GPC5: variants seen among roughly 807,000 people sequenced by gnomAD.
The protein encoded by GPC5 is glypican-5.
Under a neutral mutation model 53.9 loss-of-function variants are expected in GPC5, and 47 were observed. The observed-to-expected ratio is 0.87, with a 90% confidence interval of 0.69 to 1.11. The LOEUF (loss-of-function observed/expected upper bound fraction) is 1.11. Among genes scored for constraint, GPC5 ranks in the 50% most tolerant of loss-of-function variants. GPC5 has a pLI of 0.00. For synonymous variants in GPC5, 286 were observed against 263.3 expected (o/e 1.09, Z -0.84); for missense variants, 748 against 713.1 (o/e 1.05, Z -0.56).
chr13:91,538,303 C>A (rs1261639424), intron 2 of GPC5, among the ~76,000 whole-genome samples: 1 of 152,108 alleles, frequency 6.6e-6, no homozygotes, highest in Admixed American at 6.6e-5. Flanking sequence ...GGATAGGAGA[C>A]TTTTATCCCA....
intron 4 of GPC5, among the ~76,000 whole-genome samples, chr13:91,748,478 G>C (rs1269278863): frequency 2.0e-5 from 3 of 152,212 alleles, no homozygotes; most frequent in African/African-American, 7.2e-5. Context: ...CATATTCCTT[G>C]TAGGAGCTTC....
At chr13:92,671,206 C>T (rs546955763) in intron 7 of GPC5, among the ~76,000 whole-genome samples, 1 of 152,084 alleles carries the variant, frequency 6.6e-6, no homozygotes, top group Non-Finnish European at 1.5e-5. Context: ...GAACTGAGTT[C>T]TCTGTAAAAA....
At chr13:92,661,506 A>T (rs537586592) in intron 7 of GPC5, among the ~76,000 whole-genome samples, 1 of 152,258 alleles carries the variant, frequency 6.6e-6, no homozygotes, top group African/African-American at 2.4e-5. Flanking sequence ...TTTATGGCCT[A>T]TTTTTTCAAA....
rs1320329246 is a variant in GPC5 at position 91,665,706 on chromosome 13, C to T, written c.326-27481C>T. Among the ~76,000 whole-genome samples, 7 of 152,136 alleles carry T rather than the reference C, an allele frequency of 4.6e-5. 1 individual carries two copies. The East Asian group carries it at 7.7e-4, about 17-fold the overall frequency. On this transcript the variant is annotated intron_variant, in intron 2 of 7. Transcript: ENST00000377067. Reference sequence around the variant, plus strand: ...TTTTTTAGTAGAGATGGGGTTTCACCGTGTTAGCCAGGATGGTCTCCATCT... The same window carrying T: ...TTTTTTAGTAGAGATGGGGTTTCACTGTGTTAGCCAGGATGGTCTCCATCT...
chr13:91,646,517 T>C (rs1175709662), intron 2 of GPC5, among the ~76,000 whole-genome samples: 1 of 151,944 alleles, frequency 6.6e-6, no homozygotes, highest in African/African-American at 2.4e-5. Context: ...TAATTAAGAA[T>C]ATAAATTATA....
At chr13:92,484,723 A>C (rs1373717112) in intron 7 of GPC5, 1 of 151,876 alleles carries the variant, frequency 6.6e-6, no homozygotes, top group Non-Finnish European at 1.5e-5. Context: ...CTTGAATAGA[A>C]TTTTTATTTT....
intron 7 of GPC5, among the ~76,000 whole-genome samples, chr13:92,843,450 A>G (rs1373971236): frequency 6.6e-6 from 1 of 152,198 alleles, no homozygotes; most frequent in East Asian, 1.9e-4. Context: ...AAAAGAAACA[A>G]CAAACACTTA....
intron 2 of GPC5, among the ~76,000 whole-genome samples, chr13:91,497,165 T>A (rs542061339): frequency 6.6e-6 from 1 of 152,322 alleles, no homozygotes; most frequent in African/African-American, 2.4e-5. Flanking sequence ...CCAGTTATAA[T>A]TATACTTTAC....
intron 2 of GPC5, among the ~76,000 whole-genome samples, chr13:91,651,936 A>G (rs2034721097): frequency 6.6e-6 from 1 of 152,162 alleles, no homozygotes; most frequent in Non-Finnish European, 1.5e-5. Context: ...GAAACTGGTT[A>G]AGGGAACTAG....
chr13:92,523,411 C>T (rs968117861), intron 7 of GPC5, among the ~76,000 whole-genome samples: 1 of 152,014 alleles, frequency 6.6e-6, no homozygotes, highest in African/African-American at 2.4e-5. Flanking sequence ...TTGACAAATA[C>T]CTCCTTTTTG....
Position 92,138,541 on chromosome 13 carries a change from T to TA in GPC5, c.1402-6280dup, listed in dbSNP as rs1305571921. 9.2e-3 allele frequency among the ~76,000 whole-genome samples: 468 copies of TA among 51,034 alleles called. 5 individuals are homozygous for TA. Among genetic ancestry groups the TA allele is most frequent in the African/African-American group, 0.026 (431 of 16,526 alleles). 33.5% of individuals were successfully genotyped at this position (51,034 alleles called of 152,430 possible). ...TCTCAAAAAAATAAAAAATAAAAAATAAAAAAAAATAAAAATAAAAATAAA... is the reference window on the plus strand; with the variant it reads ...TCTCAAAAAAATAAAAAATAAAAAATAAAAAAAAAATAAAAATAAAAATAAA... On this transcript the variant is annotated intron_variant, in intron 6 of 7. Coordinates refer to ENST00000377067, the MANE Select transcript of GPC5 (RefSeq NM_004466.6).
At chr13:92,782,921 A>C (rs1028228865) in intron 7 of GPC5, among the ~76,000 whole-genome samples, 1 of 152,164 alleles carries the variant, frequency 6.6e-6, no homozygotes, top group Non-Finnish European at 1.5e-5. Context: ...TTTTCTTTAC[A>C]AAGAGTGGAA....
At chr13:92,469,809 G>A (rs1377390165) in intron 7 of GPC5, among the ~76,000 whole-genome samples, 1 of 151,902 alleles carries the variant, frequency 6.6e-6, no homozygotes, top group Non-Finnish European at 1.5e-5. Flanking sequence ...TAAAAGTAGG[G>A]GTTCCCAAAT....
chr13:92,817,636 T>C (rs1877521018), intron 7 of GPC5, among the ~76,000 whole-genome samples: 1 of 152,042 alleles, frequency 6.6e-6, no homozygotes. Context: ...CTAGTATTCA[T>C]TGATGCTTCT....
intron 7 of GPC5, among the ~76,000 whole-genome samples, chr13:92,760,858 G>A (rs1303826508): frequency 6.6e-6 from 1 of 151,804 alleles, no homozygotes; most frequent in African/African-American, 2.4e-5. Flanking sequence ...TTCTATTATT[G>A]TTTGTTTCAA....
At chr13:91,774,934 TCTACTTCTAGGGAAC>T (rs1290823718) in intron 5 of GPC5, among the ~76,000 whole-genome samples, 14 of 152,318 alleles carry the variant, frequency 9.2e-5, no homozygotes, top group South Asian at 4.1e-4. Flanking sequence ...TGACCAAGCA[TCTACTTCTAGGGAAC>T]CTAATTTAAC....
chr13:92,601,449 G>T (rs891747117), intron 7 of GPC5, among the ~76,000 whole-genome samples: 3 of 151,544 alleles, frequency 2.0e-5, no homozygotes, highest in African/African-American at 7.3e-5. Flanking sequence ...CAGCTACTCG[G>T]GAGGCTGAGG....
chr13:92,541,169 A>C (rs904208557), intron 7 of GPC5, among the ~76,000 whole-genome samples: 5 of 151,870 alleles, frequency 3.3e-5, no homozygotes, highest in African/African-American at 2.4e-5. Context: ...AAAATCTTTT[A>C]GTAACCACAA....
At chr13:92,852,738 C>A (rs1878857791) in intron 7 of GPC5, among the ~76,000 whole-genome samples, 1 of 152,042 alleles carries the variant, frequency 6.6e-6, no homozygotes, top group Non-Finnish European at 1.5e-5. Flanking sequence ...GCCTGGTCCC[C>A]AGACGGAAGC....
Sources: gnomAD v4.1 joint callset for allele counts (sites outside exome capture counted in the v4.1 genomes callset) on GRCh38, gnomAD v4.1.1 for gene constraint, MANE v1.5 for transcripts, NCBI Gene and HGNC (gene_info 2026-07-23, HGNC 2026-07-21) for gene names.